TIAM2: variants seen among roughly 807,000 people sequenced by gnomAD.
TIAM2 encodes rho guanine nucleotide exchange factor TIAM2.
A neutral mutation model predicts 152.9 loss-of-function variants in TIAM2; 80 were observed. The observed-to-expected ratio is 0.52, with a 90% CI of 0.44 to 0.63. The LOEUF (loss-of-function observed/expected upper bound fraction) is 0.63, where lower values mean the gene tolerates loss of function less well. TIAM2 is among the 30% of genes least tolerant of loss of function. TIAM2 has a pLI of 0.00. For synonymous variants in TIAM2, 804 were observed against 838.0 expected, an observed-to-expected ratio of 0.96 and a Z score of 0.70; for missense variants, 1,965 against 2,120.1, an observed-to-expected ratio of 0.93 and a Z score of 1.44.
At chr6:155,187,573 C>CTATTT (rs1781074342) in intron 14 of TIAM2, among the ~76,000 whole-genome samples, 1 of 49,614 alleles carries the variant, frequency 2.0e-5, no homozygotes, top group Non-Finnish European at 3.7e-5. Context: ...ACCCCGCCCC[C>CTATTT]TTTTTTTTTT....
At chr6:155,111,298 T>TACACACACACACACAC (rs57988099) in intron 2 of TIAM2, among the ~76,000 whole-genome samples, 13 of 138,328 alleles carry the variant, frequency 9.4e-5, no homozygotes, top group South Asian at 2.2e-4. Flanking sequence ...ATTCTTGGAA[T>TACACACACACACACAC]ACACACACAC....
At chr6:155,043,252 G>A (rs1196075282) in intron 1 of TIAM2, among the ~76,000 whole-genome samples, 1 of 152,096 alleles carries the variant, frequency 6.6e-6, no homozygotes, top group Non-Finnish European at 1.5e-5. Flanking sequence ...TCATCCAGTG[G>A]CTCTCAGCAC....
intron 16 of TIAM2, 24 bp from the exon 17 acceptor site, chr6:155,243,987 A>T (rs778792752): frequency 4.3e-6 from 7 of 1,611,592 alleles, no homozygotes; most frequent in Non-Finnish European, 5.1e-6. Context: ...AGCGTTGAAG[A>T]CACTTTCTTC....
intron 14 of TIAM2, among the ~76,000 whole-genome samples, chr6:155,203,402 C>T (rs1321375805): frequency 6.6e-6 from 1 of 152,084 alleles, no homozygotes; most frequent in Non-Finnish European, 1.5e-5. Flanking sequence ...TATGGAATTG[C>T]ATAGCATAAA....
intron 5 of TIAM2, among the ~76,000 whole-genome samples, chr6:155,142,777 C>T (rs552190563): frequency 7.9e-5 from 12 of 152,242 alleles, no homozygotes; most frequent in South Asian, 2.1e-4. Context: ...GTTTTATTTG[C>T]GGGGAGGAGC....
intron 1 of TIAM2, among the ~76,000 whole-genome samples, chr6:155,020,622 A>G (rs146137643): frequency 6.6e-6 from 1 of 151,366 alleles, no homozygotes; most frequent in African/African-American, 2.5e-5. Flanking sequence ...TCACCACACC[A>G]GGCTAATTTT....
chr6:155,202,586 C>CTTT (rs34052608), intron 14 of TIAM2, among the ~76,000 whole-genome samples: 2 of 133,984 alleles, frequency 1.5e-5, no homozygotes, highest in Non-Finnish European at 1.6e-5. Context: ...ACCTGGATAA[C>CTTT]TTTTTTTTTT....
chr6:155,017,847 G>A lies in TIAM2; in HGVS notation c.-209+22355G>A, dbSNP rs186007509. ...AGATAAAGTCCAAACTTAGCCTGAC[G>A]TTTTAAGTGTTTACCCCTCTGAAAG... On this transcript the variant is annotated intron_variant, in intron 1 of 26. Transcript: ENST00000682666. 1.9e-3 allele frequency among the ~76,000 whole-genome samples: 286 copies of A among 152,068 alleles called. 1 individual carries two copies. Among genetic ancestry groups the A allele is most frequent in the African/African-American group, 5.2e-3 (217 of 41,506 alleles).
rs753722807 is a variant in TIAM2, at chr6:155,130,145, C to T, written c.922C>T (p.Leu308=). 3.1e-6 allele frequency: 5 copies of T among 1,614,198 alleles called. No homozygotes were observed. The African/African-American group carries it at 4.0e-5, about 13-fold the overall frequency. Residue 308 remains leucine (L), a synonymous_variant, in exon 4 of 27, where the codon CTG becomes TTG. Coordinates refer to ENST00000682666, the MANE Select transcript of TIAM2 (RefSeq NM_012454.4). The stretch of plus-strand genomic sequence containing the variant: ...CCGGGAACTGTACAAAGATGCCAAC[C>T]TGGGGAGCCTCTCCCCCTCAGGTAT... ...SLRELYKDAN[L]GSLSPSGIRL... is the part of the protein sequence containing the mutation.
At chr6:155,157,452 C>CTTTT in intron 7 of TIAM2, among the ~76,000 whole-genome samples, 1 of 143,858 alleles carries the variant, frequency 7.0e-6, no homozygotes, top group South Asian at 2.2e-4. Context: ...CTTTTTCTTT[C>CTTTT]TTTTTTTTTT....
At position 155,186,554 on chromosome 6, in the gene TIAM2, A is replaced by G. The variant is rs1781047292; in HGVS notation, c.3064+3054A>G. Among the ~76,000 whole-genome samples, 1 of 152,138 alleles carries G rather than the reference A, an allele frequency of 6.6e-6. No individual in the cohort carries two copies. The highest frequency in any genetic ancestry group is 2.4e-5 in the African/African-American group (1 of 41,412). On this transcript the variant is annotated intron_variant, in intron 14 of 26. Transcript: ENST00000682666. This position sits in a 1 kb window ranked among gnomAD's most constrained non-coding sequence, Gnocchi z 4.5. ...ATGCTGAGCCTCACTTTTCTCATCCAGAGGATAATGTTTCTCCCCTGCCCC... is the reference window on the plus strand; with the variant it reads ...ATGCTGAGCCTCACTTTTCTCATCCGGAGGATAATGTTTCTCCCCTGCCCC...
chr6:155,028,944 ATGTTATATATACACTGTATGTAC>A (rs1776717104), intron 1 of TIAM2, among the ~76,000 whole-genome samples: 1 of 110,472 alleles, frequency 9.1e-6, no homozygotes, highest in South Asian at 2.6e-4. Flanking sequence ...TATATATACT[ATGTTATATATACACTGTATGTAC>A]TATATATACT....
rs759047646 is a variant in TIAM2 at position 155,256,986 on chromosome 6, G to C, written c.4971G>C (p.Gln1657His). The change falls in exon 27 of 27, where the codon CAG becomes CAC. Residue 1657 changes from glutamine (Q) to histidine (H), a missense_variant. Around this residue, in one of 3 missense-constraint regions of TIAM2, gnomAD observed 935 missense variants for 980.0 expected, o/e 0.95. Transcript: ENST00000682666. ...TGCTCAAGGCGCAGATCCGTCACCA[G>C]TCCCTTGACAGTCAGTCTGAAAATG... ...GTLLKAQIRHQSLDSQSENAT... is the reference protein window; with the variant it reads ...GTLLKAQIRHHSLDSQSENAT... 1.2e-6 allele frequency: 2 copies of C among 1,614,074 alleles called. No homozygotes were observed. The highest frequency in any genetic ancestry group is 1.7e-6 in the Non-Finnish European group (2 of 1,180,040).
intron 2 of TIAM2, among the ~76,000 whole-genome samples, chr6:155,093,354 G>A (rs530587199): frequency 2.6e-4 from 40 of 152,316 alleles, no homozygotes; most frequent in African/African-American, 8.2e-4. Flanking sequence ...GAAGATGCAC[G>A]TTGATAGCAA....
chr6:155,159,880 G>A (rs1780222349), intron 7 of TIAM2, among the ~76,000 whole-genome samples: 1 of 152,146 alleles, frequency 6.6e-6, no homozygotes, highest in Non-Finnish European at 1.5e-5. Context: ...TTTCAATATG[G>A]AATAGATACG....
intron 24 of TIAM2, chr6:155,253,332 A>C: frequency 7.6e-6 from 3 of 397,332 alleles, no homozygotes; most frequent in African/African-American, 2.0e-5. Context: ...GATACCCTAA[A>C]ATGTGTTAGA....
At chr6:155,106,406 T>C (rs1778690885) in intron 2 of TIAM2, among the ~76,000 whole-genome samples, 1 of 152,160 alleles carries the variant, frequency 6.6e-6, no homozygotes. Context: ...TTTAAGATAA[T>C]TTAATGGTTC....
At chr6:155,249,649 G>T (rs1426670582) in intron 20 of TIAM2, among the ~76,000 whole-genome samples, 1 of 152,200 alleles carries the variant, frequency 6.6e-6, no homozygotes, top group East Asian at 1.9e-4. Context: ...AAAAGAATTT[G>T]AAGTAGGAGA....
chr6:155,068,224 T>G (rs1777749434), intron 1 of TIAM2, among the ~76,000 whole-genome samples: 1 of 152,176 alleles, frequency 6.6e-6, no homozygotes, highest in Non-Finnish European at 1.5e-5. Flanking sequence ...TCTCCTGGCC[T>G]TCTGCCTTTC....
Sources: gnomAD v4.1 joint callset for allele counts (sites outside exome capture counted in the v4.1 genomes callset) on GRCh38, gnomAD v4.1.1 for gene constraint, gnomAD v4.1.1 regional missense constraint, Gnocchi (gnomAD v3.1) non-coding constraint, MANE v1.5 for transcripts, NCBI Gene and HGNC (gene_info 2026-07-23, HGNC 2026-07-21) for gene names.